PDE4D: variants seen among roughly 807,000 people sequenced by gnomAD.
PDE4D encodes 3',5'-cyclic-AMP phosphodiesterase 4D.
PDE4D carries 24 observed loss-of-function variants against 87.4 expected under a neutral mutation model. The observed-to-expected ratio is 0.27, with a 90% CI of 0.20 to 0.39. The LOEUF (loss-of-function observed/expected upper bound fraction) is 0.39. Ranked by LOEUF, PDE4D falls within the 10% of genes least tolerant of loss-of-function variation. The pLI, the probability that PDE4D is intolerant of heterozygous loss-of-function variation, is 1.00. For missense variants in PDE4D, 714 were observed against 1,041.0 expected (o/e 0.69, Z 4.32); for synonymous variants, 384 against 383.2 (o/e 1.00, Z -0.02).
chr5:59,948,053 C>T (rs577005864), intron 3 of PDE4D, among the ~76,000 whole-genome samples: 1 of 152,244 alleles, frequency 6.6e-6, no homozygotes, highest in East Asian at 1.9e-4. Flanking sequence ...ATTTGTAATG[C>T]TTGATATACT....
chr5:60,139,186 G>A (rs911719529), intron 2 of PDE4D, among the ~76,000 whole-genome samples: 3 of 151,998 alleles, frequency 2.0e-5, no homozygotes, highest in Admixed American at 6.6e-5. Flanking sequence ...AGGAAATACA[G>A]TTCACCGCTA....
At chr5:60,264,512 T>C (rs1749984091) in intron 1 of PDE4D, among the ~76,000 whole-genome samples, 1 of 152,226 alleles carries the variant, frequency 6.6e-6, no homozygotes, top group Non-Finnish European at 1.5e-5. Context: ...TTGGAGAAGA[T>C]AGCCCAGAGA....
chr5:59,311,910 C>A (rs1462522515), intron 1 of PDE4D, among the ~76,000 whole-genome samples: 1 of 152,124 alleles, frequency 6.6e-6, no homozygotes, highest in Admixed American at 6.5e-5. Context: ...CAGGGCCCTG[C>A]ATCGGCCCTG....
At chr5:60,473,601 T>G (rs1256831953) in intron 1 of PDE4D, among the ~76,000 whole-genome samples, 1 of 152,144 alleles carries the variant, frequency 6.6e-6, no homozygotes, top group South Asian at 2.1e-4. Context: ...CAAAAAGTTT[T>G]TTTAAGCTAA....
At chr5:59,650,977 C>T (rs1003289988) in intron 1 of PDE4D, among the ~76,000 whole-genome samples, 2 of 151,930 alleles carry the variant, frequency 1.3e-5, no homozygotes, top group South Asian at 4.2e-4. Flanking sequence ...AATTGTTGGC[C>T]GGGCGCGGTG....
chr5:59,534,728 T>C lies in PDE4D; in HGVS notation c.456-318760A>G, dbSNP rs529949737. Among the ~76,000 whole-genome samples the C allele has an allele frequency of 7.7e-4, 118 of 152,306 alleles. No homozygotes were observed. The South Asian group carries it at 0.023, about 30-fold the overall frequency. On this transcript the variant is annotated intron_variant, in intron 1 of 14. Transcript: ENST00000340635. ...GGAGAGCCAATGAGATTTCAGGTTGTGGATTTACATATCACAGTCTCTTTT... is the reference window on the plus strand; with the variant it reads ...GGAGAGCCAATGAGATTTCAGGTTGCGGATTTACATATCACAGTCTCTTTT...
At chr5:59,030,824 A>G (rs1332922453) in intron 6 of PDE4D, among the ~76,000 whole-genome samples, 2 of 152,060 alleles carry the variant, frequency 1.3e-5, no homozygotes, top group African/African-American at 2.4e-5. Context: ...TAGAATGACT[A>G]TTTTCCTTTT....
intron 1 of PDE4D, among the ~76,000 whole-genome samples, chr5:60,422,923 CAACAAAG>C (rs1216313892): frequency 6.6e-6 from 1 of 152,034 alleles, no homozygotes; most frequent in Non-Finnish European, 1.5e-5. Context: ...GACTTTAAGC[CAACAAAG>C]ATCAGAAGAG....
At chr5:59,238,165 G>A (rs1214616123) in intron 1 of PDE4D, among the ~76,000 whole-genome samples, 1 of 152,072 alleles carries the variant, frequency 6.6e-6, no homozygotes, top group Non-Finnish European at 1.5e-5. Context: ...TCCATAACAT[G>A]GAGAACATGC....
intron 5 of PDE4D, among the ~76,000 whole-genome samples, chr5:59,105,937 G>A (rs994059609): frequency 1.3e-5 from 2 of 152,214 alleles, no homozygotes; most frequent in African/African-American, 2.4e-5. Flanking sequence ...AAAATGTAAA[G>A]ATGAAAGACA....
At chr5:59,866,993 C>T (rs555118250) in intron 1 of PDE4D, among the ~76,000 whole-genome samples, 1 of 152,274 alleles carries the variant, frequency 6.6e-6, no homozygotes, top group East Asian at 1.9e-4. Flanking sequence ...TCCTCCTGAG[C>T]ACGTATGAAT....
intron 3 of PDE4D, among the ~76,000 whole-genome samples, chr5:59,928,057 G>A (rs1235751258): frequency 1.3e-5 from 2 of 152,224 alleles, no homozygotes; most frequent in African/African-American, 2.4e-5. Flanking sequence ...GGTGTGAGCA[G>A]TGCATAGTGA....
At chr5:60,289,822 C>A (rs1047322577) in intron 1 of PDE4D, among the ~76,000 whole-genome samples, 2 of 152,144 alleles carry the variant, frequency 1.3e-5, no homozygotes, top group Non-Finnish European at 2.9e-5. Context: ...GAAACCCCAA[C>A]TAAAATAGTG....
At chr5:59,490,829 G>A (rs144069454) in intron 1 of PDE4D, among the ~76,000 whole-genome samples, 1 of 152,292 alleles carries the variant, frequency 6.6e-6, no homozygotes, top group Non-Finnish European at 1.5e-5. Context: ...AAAGTAAAAG[G>A]CTCATTTCTC....
intron 6 of PDE4D, among the ~76,000 whole-genome samples, chr5:59,021,078 A>C (rs1298234207): frequency 6.6e-6 from 1 of 152,182 alleles, no homozygotes; most frequent in African/African-American, 2.4e-5. Flanking sequence ...TCAGGGAATC[A>C]GAGAAATCAT....
chr5:60,496,825 A>G (rs1306255970), intron 1 of PDE4D, among the ~76,000 whole-genome samples: 1 of 152,222 alleles, frequency 6.6e-6, no homozygotes, highest in East Asian at 1.9e-4. Flanking sequence ...TCAGATTTAA[A>G]TTAACAACTT....
intron 5 of PDE4D, among the ~76,000 whole-genome samples, chr5:59,055,860 T>C (rs1329950182): frequency 2.6e-5 from 4 of 152,242 alleles, no homozygotes; most frequent in African/African-American, 7.2e-5. Context: ...CAAATACTTG[T>C]TGAACCCCAC....
At chr5:59,102,245 C>G (rs900131581) in intron 5 of PDE4D, among the ~76,000 whole-genome samples, 10 of 151,954 alleles carry the variant, frequency 6.6e-5, no homozygotes, top group African/African-American at 2.2e-4. Flanking sequence ...TGCCACTACT[C>G]CTGGCTAATT....
intron 1 of PDE4D, chr5:59,314,022 C>T (rs146602779): frequency 7.9e-5 from 12 of 152,042 alleles, no homozygotes; most frequent in Admixed American, 2.6e-4. Context: ...ATAAGTAATG[C>T]CTTCTTTTCT....
Sources: allele counts gnomAD v4.1 joint callset (sites outside exome capture counted in the v4.1 genomes callset), GRCh38; gene constraint gnomAD v4.1.1; transcripts MANE v1.5; gene names NCBI Gene and HGNC (gene_info 2026-07-23, HGNC 2026-07-21).